ROR1: variants seen among roughly 807,000 people sequenced by gnomAD.
ROR1 encodes inactive tyrosine-protein kinase transmembrane receptor ROR1.
ROR1 carries 19 observed loss-of-function variants against 78.8 expected under a neutral mutation model. That is an observed-to-expected ratio of 0.24 (90% CI 0.17 to 0.35). The LOEUF (loss-of-function observed/expected upper bound fraction) is 0.35. Among genes scored for constraint, ROR1 ranks in the 10% least tolerant of loss-of-function variants. The pLI is 1.00. For missense variants in ROR1, 917 were observed against 1,177.8 expected (o/e 0.78, Z 3.24); for synonymous variants, 386 against 433.6 (o/e 0.89, Z 1.36).
intron 4 of ROR1, among the ~76,000 whole-genome samples, chr1:64,090,882 C>A (rs1569726771): frequency 6.6e-6 from 1 of 152,174 alleles, no homozygotes; most frequent in South Asian, 2.1e-4. Context: ...GTCTAGAGGC[C>A]CTAACATTCC....
chr1:64,143,742 A>G (rs944036653), intron 7 of ROR1, among the ~76,000 whole-genome samples: 2 of 152,218 alleles, frequency 1.3e-5, no homozygotes, highest in Non-Finnish European at 2.9e-5. Flanking sequence ...GCAAGGAGTC[A>G]TGGAGGCGGA....
chr1:63,798,131 G>T (rs147725884), intron 1 of ROR1, among the ~76,000 whole-genome samples: 1 of 152,198 alleles, frequency 6.6e-6, no homozygotes, highest in East Asian at 1.9e-4. Flanking sequence ...ACTCAGTCAG[G>T]CATTTTTCCA....
chr1:63,781,199 C>T (rs982389444), intron 1 of ROR1, among the ~76,000 whole-genome samples: 7 of 152,148 alleles, frequency 4.6e-5, no homozygotes, highest in African/African-American at 9.7e-5. Context: ...ATACAGTATT[C>T]GTGTCCAGGA....
chr1:63,991,742 G>T (rs1646297888), intron 1 of ROR1, among the ~76,000 whole-genome samples: 1 of 152,128 alleles, frequency 6.6e-6, no homozygotes, highest in Non-Finnish European at 1.5e-5. Context: ...AATGCTGTTG[G>T]GTTTCTTTAA....
intron 1 of ROR1, among the ~76,000 whole-genome samples, chr1:63,965,261 G>A (rs1646064202): frequency 6.6e-6 from 1 of 152,098 alleles, no homozygotes; most frequent in Non-Finnish European, 1.5e-5. Context: ...AAACTGGCCC[G>A]CCTTCTTTGG....
intron 1 of ROR1, among the ~76,000 whole-genome samples, chr1:63,924,159 C>A (rs1338522049): frequency 2.0e-5 from 3 of 152,150 alleles, no homozygotes; most frequent in African/African-American, 7.2e-5. Flanking sequence ...AAACTCACCA[C>A]ATTCTCTCCC....
chr1:64,128,318 A>T (rs1192780549), intron 4 of ROR1, among the ~76,000 whole-genome samples: 2 of 151,554 alleles, frequency 1.3e-5, no homozygotes, highest in Non-Finnish European at 2.9e-5. Context: ...AAAGTAAAAA[A>T]ACTAGCCAAG....
At chr1:63,789,893 G>A (rs563734639) in intron 1 of ROR1, among the ~76,000 whole-genome samples, 34 of 152,194 alleles carry the variant, frequency 2.2e-4, no homozygotes, top group Admixed American at 1.4e-3. Context: ...CCACTGACAT[G>A]ACTTTCAGGC....
intron 1 of ROR1, among the ~76,000 whole-genome samples, chr1:63,977,167 C>T (rs1646168379): frequency 6.6e-6 from 1 of 152,136 alleles, no homozygotes; most frequent in Non-Finnish European, 1.5e-5. Context: ...ATTCATTTAC[C>T]TCCCATTGGG....
intron 4 of ROR1, among the ~76,000 whole-genome samples, chr1:64,074,268 C>T (rs888673557): frequency 6.6e-6 from 1 of 152,158 alleles, no homozygotes; most frequent in African/African-American, 2.4e-5. Context: ...TTACATAAGC[C>T]TATAAACACC....
At chr1:63,965,980 A>T (rs552444918) in intron 1 of ROR1, among the ~76,000 whole-genome samples, 1 of 152,284 alleles carries the variant, frequency 6.6e-6, no homozygotes, top group East Asian at 1.9e-4. Context: ...TCCCCTTTAA[A>T]GTGGGGATAG....
At chr1:64,118,718 GA>G (rs1648413292) in intron 4 of ROR1, among the ~76,000 whole-genome samples, 1 of 149,496 alleles carries the variant, frequency 6.7e-6, no homozygotes, top group Non-Finnish European at 1.5e-5. Context: ...AGGGGAAAAT[GA>G]GGAGGCTTTT....
intron 1 of ROR1, among the ~76,000 whole-genome samples, chr1:63,784,316 C>A (rs538007565): frequency 5.5e-4 from 84 of 152,254 alleles, no homozygotes; most frequent in African/African-American, 1.4e-3. Flanking sequence ...GGACTTAGGG[C>A]CCATTGAACT....
chr1:63,995,626 T>G (rs1156263337), intron 1 of ROR1, among the ~76,000 whole-genome samples: 2 of 152,214 alleles, frequency 1.3e-5, no homozygotes, highest in African/African-American at 4.8e-5. Flanking sequence ...AATCTTGGCT[T>G]TGTCAATCTA....
At chr1:64,158,719 GA>G (rs1649846422) in intron 7 of ROR1, among the ~76,000 whole-genome samples, 1 of 152,178 alleles carries the variant, frequency 6.6e-6, no homozygotes, top group Admixed American at 6.5e-5. Flanking sequence ...AACATCAGAG[GA>G]GGACCCACAC....
chr1:63,869,821 G>A (rs1416253089), intron 1 of ROR1, among the ~76,000 whole-genome samples: 1 of 152,182 alleles, frequency 6.6e-6, no homozygotes. Flanking sequence ...ATGATCAAAA[G>A]GAATCTTGCA....
At chr1:63,863,718 ATTGTATTG>A (rs1557533344) in intron 1 of ROR1, among the ~76,000 whole-genome samples, 4 of 36,484 alleles carry the variant, frequency 1.1e-4, no homozygotes, top group Non-Finnish European at 2.3e-4. Flanking sequence ...ATTGTATTGT[ATTGTATTG>A]TATTGTATTG....
chr1:63,831,358 T>A (rs1158105598), intron 1 of ROR1, among the ~76,000 whole-genome samples: 2 of 152,208 alleles, frequency 1.3e-5, no homozygotes, highest in African/African-American at 2.4e-5. Flanking sequence ...TTCCTGGACA[T>A]CCAGACATTT....
intron 1 of ROR1, among the ~76,000 whole-genome samples, chr1:63,792,561 G>A (rs574126470): frequency 7.2e-5 from 11 of 152,314 alleles, no homozygotes; most frequent in East Asian, 1.9e-4. Flanking sequence ...AGGGCAAGAT[G>A]TTTCACCTCT....
Sources: gnomAD v4.1 joint callset for allele counts (sites outside exome capture counted in the v4.1 genomes callset) on GRCh38, gnomAD v4.1.1 for gene constraint, MANE v1.5 for transcripts, NCBI Gene and HGNC (gene_info 2026-07-23, HGNC 2026-07-21) for gene names.